The following TNK1 variants were observed in gnomAD, a reference collection of about 807,000 sequenced individuals.
TNK1 encodes the protein non-receptor tyrosine-protein kinase TNK1.
Under a neutral mutation model 65.2 loss-of-function variants are expected in TNK1, and 53 were observed. The observed-to-expected ratio is 0.81, with a 90% CI of 0.65 to 1.02. The LOEUF (loss-of-function observed/expected upper bound fraction) is 1.02. Ranked by LOEUF, TNK1 falls within the 50% of genes least tolerant of loss-of-function variation. The pLI is 0.00. For missense variants in TNK1, 837 were observed against 878.4 expected (o/e 0.95, Z 0.60); for synonymous variants, 353 against 364.6 (o/e 0.97, Z 0.36).
chr17:7,388,473 C>G lies in TNK1; in HGVS notation c.1545C>G (p.Pro515=), dbSNP rs377229284. 112 of 1,613,812 alleles carry G rather than the reference C, an allele frequency of 6.9e-5. No homozygotes were observed. Among genetic ancestry groups the G allele is most frequent in the Non-Finnish European group, 7.8e-5 (92 of 1,179,882 alleles). The change falls in exon 11 of 13, where the codon CCC becomes CCG. Residue 515 remains proline, a synonymous_variant. Coordinates refer to ENST00000688331, the MANE Select transcript of TNK1 (RefSeq NM_003985.6). This position sits in a 1 kb window ranked among gnomAD's most constrained non-coding sequence, Gnocchi z 4.5. ...GTCCCACAGGGGGTGGTTCAAGCCC[C>G]CCTGAAATTCGACAAGCCAGAGCTG... is the stretch of plus-strand genomic sequence containing the variant. ...GPRPTGGGSS[P]PEIRQARAVP... is the part of the protein sequence containing the mutation.
rs1567646281 is a variant in TNK1, at chr17:7,384,685, CT to C, written c.1070del (p.Leu357CysfsTer32). ...GCTCCAGGGCCCTCTACTCCCTCGC[CT>C]TGCGCTGCTGGGCCCCCCACCCTGC... ...LCSRALYSLA[L>X]RCWAPHPADR... is the part of the protein sequence containing the mutation. On this transcript the variant is annotated frameshift_variant, in exon 7 of 13. Coordinates refer to ENST00000688331, the MANE Select transcript of TNK1 (RefSeq NM_003985.6). LOFTEE classifies it high-confidence loss of function. 6 of 1,596,716 alleles carry C rather than the reference CT, an allele frequency of 3.8e-6. No homozygotes were observed. In the Admixed American group the frequency reaches 1.0e-4, roughly 27 times the overall value.
At position 7,383,095 on chromosome 17, in the gene TNK1, G is replaced by A. The variant is rs1432176630; in HGVS notation, c.163+6G>A. ...CATTGGCATGGGCCGGCCTGGTGAG[G>A]GACCCCTGCCCCGAGGCCCTGGTCT... is the stretch of plus-strand genomic sequence containing the variant. On this transcript the variant is annotated splice_donor_region_variant and intron_variant, in intron 2 of 12. Coordinates refer to ENST00000688331, the MANE Select transcript of TNK1 (RefSeq NM_003985.6). 6.2e-7 allele frequency: 1 copy of A among 1,613,840 alleles called. No homozygotes were observed. The highest frequency in any genetic ancestry group is 1.7e-5 in the Admixed American group (1 of 60,020).
chr17:7,389,149 G>T lies in TNK1; in HGVS notation c.*65G>T, dbSNP rs906396295. The T allele has an allele frequency of 1.5e-6, 2 of 1,304,788 alleles. No homozygotes were observed. Among genetic ancestry groups the T allele is most frequent in the African/African-American group, 2.9e-5 (2 of 67,874 alleles). The allele number at this position is 1,304,788 out of a possible 1,614,324, so 80.8% of individuals were successfully genotyped here. ...TAGGCCCCTGAGGGCCTGGCCACAT[G>T]GGACCAAGCGGAACCAGAACAAGGT... On this transcript the variant is annotated 3_prime_UTR_variant, in exon 13 of 13. Coordinates refer to ENST00000688331, the MANE Select transcript of TNK1 (RefSeq NM_003985.6).
chr17:7,383,514 G>A lies in TNK1; in HGVS notation c.324G>A (p.Lys108=). 1.2e-6 allele frequency: 2 copies of A among 1,613,898 alleles called. No individual in the cohort carries two copies. Among genetic ancestry groups the A allele is most frequent in the Non-Finnish European group, 1.7e-6 (2 of 1,179,892 alleles). The change falls in exon 4 of 13, where the codon AAG becomes AAA. Residue 108 remains lysine (K), a synonymous_variant. Transcript: ENST00000688331. ...TCCCTGAGCCAGAGGGGGGCCTCAA[G>A]TGTCTGATCCCAGAGGGTGCTGTTT... ...RHLPEPEGGL[K]CLIPEGAVCR...
At chr17:7,385,607 C>T (rs934157477) in intron 7 of TNK1, among the ~76,000 whole-genome samples, 3 of 152,122 alleles carry the variant, frequency 2.0e-5, no homozygotes, top group Admixed American at 6.5e-5. Flanking sequence ...CTCTGTCACC[C>T]TAGCTGGAGT....
Position 7,386,981 on chromosome 17 carries a change from T to C in TNK1, c.1233-9T>C, listed in dbSNP as rs759553211. The C allele has an allele frequency of 2.6e-6, 4 of 1,542,886 alleles. No individual in the cohort carries two copies. The Admixed American group carries it at 6.0e-5, about 23-fold the overall frequency. ...TTCCCATCCTATTTACCAGCTCCTC[T>C]TTCCACAGCCCCGACTCCACAATCT... On this transcript the variant is annotated splice_polypyrimidine_tract_variant and intron_variant, in intron 8 of 12. Transcript: ENST00000688331.
intron 5 of TNK1, 43 bp downstream of exon 5, chr17:7,383,907 AG>A: frequency 6.3e-7 from 1 of 1,579,712 alleles, no homozygotes; most frequent in Non-Finnish European, 8.6e-7. Flanking sequence ...GCCGTGCGGC[AG>A]GAGCGTGGGC....
intron 7 of TNK1, 145 bp from the exon 8 acceptor site, chr17:7,386,416 G>T: frequency 1.6e-6 from 1 of 631,078 alleles, no homozygotes. Context: ...CTCCCTCACT[G>T]AATTACAATG....
chr17:7,383,651 G>C (rs769166467), intron 4 of TNK1, 35 bp downstream of exon 4: 3 of 1,596,062 alleles, frequency 1.9e-6, no homozygotes, highest in East Asian at 2.2e-5. Flanking sequence ...ATCCAGGCCA[G>C]CTGCCCCCTC....
chr17:7,383,119 C>A (rs1344141686), intron 2 of TNK1, 30 bp downstream of exon 2: 1 of 1,613,552 alleles, frequency 6.2e-7, no homozygotes, highest in African/African-American at 1.3e-5. Flanking sequence ...AGGCCCTGGT[C>A]TCTCTGTCCA....
At position 7,384,689 on chromosome 17, in the gene TNK1, C is replaced by T. The variant is rs563727404; in HGVS notation, c.1072C>T (p.Arg358Cys). Residue 358 changes from arginine to cysteine, a missense_variant, in exon 7 of 13, where the codon CGC becomes TGC. Transcript: ENST00000688331. ...CSRALYSLAL[R>C]CWAPHPADRP... is the part of the protein sequence containing the mutation. Reference sequence around the variant, plus strand: ...CAGGGCCCTCTACTCCCTCGCCTTGCGCTGCTGGGCCCCCCACCCTGCCGA... The same window carrying T: ...CAGGGCCCTCTACTCCCTCGCCTTGTGCTGCTGGGCCCCCCACCCTGCCGA... The T allele has an allele frequency of 3.1e-6, 5 of 1,594,684 alleles. No homozygotes were observed. Among genetic ancestry groups the T allele is most frequent in the Admixed American group, 3.4e-5 (2 of 58,200 alleles).
chr17:7,388,797 A>T lies in TNK1; in HGVS notation c.1786A>T (p.Ser596Cys). The part of the protein sequence containing the change: ...LQRKIMEVEL[S>C]VHGVTHQECQ... ...GCTTTGTCTGTCACAGGTGGAGCTGAGTGTGCATGGGGTCACCCACCAGGA... is the reference window on the plus strand; with the variant it reads ...GCTTTGTCTGTCACAGGTGGAGCTGTGTGTGCATGGGGTCACCCACCAGGA... The change falls in exon 12 of 13, where the codon AGT becomes TGT. Residue 596 changes from serine to cysteine, a missense_variant. Coordinates refer to ENST00000688331, the MANE Select transcript of TNK1 (RefSeq NM_003985.6). This position sits in a 1 kb window ranked among gnomAD's most constrained non-coding sequence, Gnocchi z 4.5. 1 of 1,607,218 alleles carries T rather than the reference A, an allele frequency of 6.2e-7. No homozygotes were observed. Among genetic ancestry groups the T allele is most frequent in the Non-Finnish European group, 8.5e-7 (1 of 1,176,640 alleles).
Position 7,383,793 on chromosome 17 carries a change from G to C in TNK1, c.511G>C (p.Val171Leu), listed in dbSNP as rs1323820069. The C allele has an allele frequency of 7.4e-6, 12 of 1,613,140 alleles. No homozygotes were observed. Among genetic ancestry groups the C allele is most frequent in the African/African-American group, 1.3e-5 (1 of 74,942 alleles). ...GGGGGACTTCCTGCGAGAGGTATCG[G>C]TCATGATGAACTTGGAGCACCCACA... Reference protein sequence around the residue: ...ELGDFLREVSVMMNLEHPHVL... With the variant: ...ELGDFLREVSLMMNLEHPHVL... The change falls in exon 5 of 13, where the codon GTC becomes CTC. Residue 171 changes from valine (V) to leucine (L), a missense_variant. Physicochemically the swap from Val to Leu is conservative, Grantham distance 32 (BLOSUM62 1). Transcript: ENST00000688331.
In TNK1 at chr17:7,386,846, C is replaced by T. The variant is rs550882865; in HGVS notation, c.1233-144C>T. The T allele has an allele frequency of 2.7e-3, 3,315 of 1,244,382 alleles. 9 individuals carry two copies. Among genetic ancestry groups the T allele is most frequent in the Non-Finnish European group, 3.4e-3 (3,123 of 907,650 alleles). The allele number at this position is 1,244,382 out of a possible 1,614,324, so 77.1% of individuals were successfully genotyped here. On this transcript the variant is annotated intron_variant, in intron 8 of 12. Coordinates refer to ENST00000688331, the MANE Select transcript of TNK1 (RefSeq NM_003985.6). ...TGGAGCCACTGCTGGCCCATAGAGC[C>T]TTATTGCATTAGGGAAAAGGCTTCC... is the stretch of plus-strand genomic sequence containing the variant.
Position 7,389,131 on chromosome 17 carries a change from C to T in TNK1, c.*47C>T. ...ACACCAGCATGAAAAGCCTAGGCCC[C>T]TGAGGGCCTGGCCACATGGGACCAA... On this transcript the variant is annotated 3_prime_UTR_variant, in exon 13 of 13. Coordinates refer to ENST00000688331, the MANE Select transcript of TNK1 (RefSeq NM_003985.6). The T allele has an allele frequency of 6.8e-7, 1 of 1,462,712 alleles. No individual in the cohort carries two copies. The highest frequency in any genetic ancestry group is 2.0e-4 in the Middle Eastern group (1 of 4,972). 90.6% of individuals were successfully genotyped at this position (1,462,712 alleles called of 1,614,324 possible).
chr17:7,384,059 C>T lies in TNK1; in HGVS notation c.672C>T (p.Leu224=). 6.5e-7 allele frequency: 1 copy of T among 1,535,690 alleles called. No individual in the cohort carries two copies. Among genetic ancestry groups the T allele is most frequent in the Non-Finnish European group, 8.7e-7 (1 of 1,147,298 alleles). The stretch of plus-strand genomic sequence containing the variant: ...CGCTGCTCGTGGCCCTGCTCTGCCT[C>T]TTCCTGCGGCAGCTGGCGGGAGCCA... ...TPPLLVALLC[L]FLRQLAGAMA... Residue 224 remains leucine (L), a synonymous_variant, in exon 6 of 13, where the codon CTC becomes CTT. Transcript: ENST00000688331.
In TNK1 at chr17:7,386,611, C is replaced by T; in HGVS notation, c.1188C>T (p.Ala396=). The change falls in exon 8 of 13, where the codon GCC becomes GCT. Residue 396 remains alanine (A), a synonymous_variant. Coordinates refer to ENST00000688331, the MANE Select transcript of TNK1 (RefSeq NM_003985.6). ...CCVRDVTEPG[A]LRMETGDPIT... is the part of the protein sequence containing the mutation. ...TGAGGGATGTCACAGAACCAGGCGC[C>T]CTGAGGATGGAGACTGGTGACCCCA... 6.2e-7 allele frequency: 1 copy of T among 1,603,888 alleles called. No individual in the cohort carries two copies. The highest frequency in any genetic ancestry group is 1.1e-5 in the South Asian group (1 of 88,814).
chr17:7,383,371 G>T, intron 3 of TNK1, 51 bp downstream of exon 3: 1 of 1,613,902 alleles, frequency 6.2e-7, no homozygotes, highest in Non-Finnish European at 8.5e-7. Context: ...TGGCTTGAGG[G>T]GCAGGGAGGG....
At position 7,388,556 on chromosome 17, in the gene TNK1, A is replaced by G. The variant is rs2143163894; in HGVS notation, c.1628A>G (p.Gln543Arg). The change falls in exon 11 of 13, where the codon CAG becomes CGG. Residue 543 changes from glutamine to arginine, a missense_variant. Physicochemically the swap from Gln to Arg is conservative, Grantham distance 43. Coordinates refer to ENST00000688331, the MANE Select transcript of TNK1 (RefSeq NM_003985.6). The surrounding 1 kb of genome is among the most constrained non-coding windows in gnomAD (Gnocchi z 4.5). The part of the protein sequence containing the change: ...PRPPLSSSSP[Q>R]PSQPSRERLP... Reference sequence around the variant, plus strand: ...CCACCTTTATCCTCTAGCTCTCCTCAGCCCAGCCAGCCCTCTAGGGAGAGG... The same window carrying G: ...CCACCTTTATCCTCTAGCTCTCCTCGGCCCAGCCAGCCCTCTAGGGAGAGG... 1 of 1,613,946 alleles carries G rather than the reference A, an allele frequency of 6.2e-7. No homozygotes were observed. Among genetic ancestry groups the G allele is most frequent in the East Asian group, 2.2e-5 (1 of 44,876 alleles).
Sources: allele counts gnomAD v4.1 joint callset (sites outside exome capture counted in the v4.1 genomes callset), GRCh38; gene constraint gnomAD v4.1.1; non-coding constraint Gnocchi (gnomAD v3.1); transcripts MANE v1.5; gene names NCBI Gene and HGNC (gene_info 2026-07-23, HGNC 2026-07-21).